The following ABCC5 variants were observed in gnomAD, a reference collection of about 807,000 sequenced individuals.
ABCC5 encodes the protein ATP-binding cassette sub-family C member 5.
ABCC5 carries 61 observed loss-of-function variants against 160.9 expected under a neutral mutation model. The ratio of observed to expected loss-of-function variants is 0.38; its 90% CI spans 0.31 to 0.47. The LOEUF is 0.47. Ranked by LOEUF, ABCC5 falls within the 20% of genes least tolerant of loss-of-function variation. The pLI is 0.99. For synonymous variants in ABCC5, 666 were observed against 700.6 expected (o/e 0.95, Z 0.78); for missense variants, 1,308 against 1,813.3 (o/e 0.72, Z 5.06).
chr3:183,930,562 C>G (rs1244522511), intron 26 of ABCC5, among the ~76,000 whole-genome samples: 2 of 152,294 alleles, frequency 1.3e-5, no homozygotes, highest in East Asian at 3.9e-4. Flanking sequence ...AGGGTGGGCC[C>G]TTAATCCCAT....
rs1715335081 is a variant in ABCC5 at position 183,951,448 on chromosome 3, C to T, written c.2937G>A (p.Met979Ile). ...GRILNRFSKD[M>I]DEVDVRLPFQ... ...AGGCTCAGTGAGAAATACCTTCATC[C>T]ATGTCTTTGGAAAACCTGTTGAGAA... The change falls in exon 20 of 30, where the codon ATG becomes ATA. Residue 979 changes from methionine (M) to isoleucine (I), a missense_variant. This residue lies in a region of ABCC5 where 1,142 missense variants were observed against 1,527.1 expected (regional missense o/e 0.75). Coordinates refer to ENST00000334444, the MANE Select transcript of ABCC5 (RefSeq NM_005688.4). This position sits in a 1 kb window ranked among gnomAD's most constrained non-coding sequence, Gnocchi z 4.7. 1.9e-6 allele frequency: 3 copies of T among 1,614,120 alleles called. No homozygotes were observed. The highest frequency in any genetic ancestry group is 2.5e-6 in the Non-Finnish European group (3 of 1,180,012).
intron 26 of ABCC5, among the ~76,000 whole-genome samples, chr3:183,936,710 G>A (rs907591579): frequency 6.6e-6 from 1 of 152,058 alleles, no homozygotes; most frequent in Non-Finnish European, 1.5e-5. Context: ...GGGTTTCACC[G>A]TGTTAGCCAG....
chr3:184,016,225 G>A (rs1049004431), intron 1 of ABCC5, among the ~76,000 whole-genome samples: 27 of 152,110 alleles, frequency 1.8e-4, no homozygotes, highest in African/African-American at 6.5e-4. Context: ...TGACTGCTGT[G>A]GTAGACACTG....
intron 2 of ABCC5, among the ~76,000 whole-genome samples, chr3:184,004,213 TA>T (rs11298066): frequency 0.63 from 88,664 of 141,204 alleles, 27,287 homozygotes; most frequent in East Asian, 0.85. Context: ...AGGCTTTAGC[TA>T]AAAAAAAAAA....
chr3:183,944,513 CAAT>C (rs1388631822), intron 24 of ABCC5, among the ~76,000 whole-genome samples: 1 of 152,148 alleles, frequency 6.6e-6, no homozygotes, highest in African/African-American at 2.4e-5. Context: ...CACATATAAA[CAAT>C]GACACAGATG....
At chr3:183,956,319 A>T (rs369496472) in intron 17 of ABCC5, among the ~76,000 whole-genome samples, 1,381 of 76,724 alleles carry the variant, frequency 0.018, no homozygotes, top group Middle Eastern at 0.15. Context: ...TCCGTGTGTA[A>T]ATCACATCGG....
intron 2 of ABCC5, among the ~76,000 whole-genome samples, chr3:184,008,062 C>T (rs1342293697): frequency 6.6e-6 from 1 of 152,192 alleles, no homozygotes; most frequent in African/African-American, 2.4e-5. Context: ...GAGAGAAGCA[C>T]TTTCTCCTTT....
intron 10 of ABCC5, among the ~76,000 whole-genome samples, chr3:183,976,254 C>A (rs545786994): frequency 1.5e-4 from 22 of 149,456 alleles, no homozygotes; most frequent in Middle Eastern, 3.4e-3. Flanking sequence ...CAAACAACAA[C>A]AAAAAAAAAC....
At chr3:183,950,504 A>G (rs577332960) in intron 20 of ABCC5, among the ~76,000 whole-genome samples, 3 of 152,344 alleles carry the variant, frequency 2.0e-5, no homozygotes, top group African/African-American at 7.2e-5. Context: ...GTCTTGCAAA[A>G]TTTTTAAACA....
At chr3:183,985,430 T>G in intron 5 of ABCC5, 1 of 1,491,796 alleles carries the variant, frequency 6.7e-7, no homozygotes. Context: ...TCCCCCCAAA[T>G]CCAGATCCTG....
At chr3:183,978,314 AT>A (rs11287890) in intron 9 of ABCC5, among the ~76,000 whole-genome samples, 188 bp downstream of exon 9, 92,272 of 150,956 alleles carry the variant, frequency 0.61, 28,739 homozygotes, top group East Asian at 0.85. Flanking sequence ...CATATGTGGT[AT>A]TTTTTTTTTG....
intron 26 of ABCC5, among the ~76,000 whole-genome samples, chr3:183,930,557 G>A (rs1339144824): frequency 6.6e-6 from 1 of 152,178 alleles, no homozygotes; most frequent in Admixed American, 6.5e-5. Context: ...AGAGAAGGGT[G>A]GGCCCTTAAT....
At chr3:183,958,949 G>A (rs1716479949) in intron 17 of ABCC5, among the ~76,000 whole-genome samples, 1 of 151,902 alleles carries the variant, frequency 6.6e-6, no homozygotes, top group Non-Finnish European at 1.5e-5. Context: ...CGTCTCCAAA[G>A]CAATGGCAAA....
At chr3:183,955,060 C>A (rs1219281751) in intron 17 of ABCC5, among the ~76,000 whole-genome samples, 1 of 151,946 alleles carries the variant, frequency 6.6e-6, no homozygotes, top group Admixed American at 6.6e-5. Context: ...GGTGTGGACG[C>A]CAAGGTTCTT....
Position 183,987,289 on chromosome 3 carries a change from C to T in ABCC5, c.591+481G>A. ...CTATAAGCCAAACTTAAACGGACTC[C>T]AGGTCAGACTCTAAAATCCTCGACA... On this transcript the variant is annotated intron_variant, in intron 5 of 29. Transcript: ENST00000334444. The surrounding 1 kb of genome is among the most constrained non-coding windows in gnomAD (Gnocchi z 4.2). The T allele has an allele frequency of 3.9e-6, 1 of 254,454 alleles. No individual in the cohort carries two copies. 15.8% of individuals were successfully genotyped at this position (254,454 alleles called of 1,614,324 possible). A position where few individuals can be genotyped will look rare whatever the true frequency, so the allele number is the denominator to read the frequency against.
intron 27 of ABCC5, 168 bp from the exon 28 acceptor site, chr3:183,927,611 C>T (rs767180709): frequency 9.1e-6 from 9 of 985,322 alleles, no homozygotes; most frequent in Non-Finnish European, 9.6e-6. Flanking sequence ...TGCTAGGACC[C>T]ACTTCCAAGG....
At position 183,951,755 on chromosome 3, in the gene ABCC5, G is replaced by T; in HGVS notation, c.2814+102C>A. On this transcript the variant is annotated intron_variant, in intron 19 of 29. Coordinates refer to ENST00000334444, the MANE Select transcript of ABCC5 (RefSeq NM_005688.4). The surrounding 1 kb of genome is among the most constrained non-coding windows in gnomAD (Gnocchi z 4.7). ...AGTCATCTCAGCCAGGGCCATCCTG[G>T]TTAAGGGAGCTCCCCTACTCAGCAT... 6.6e-7 allele frequency: 1 copy of T among 1,519,186 alleles called. No individual in the cohort carries two copies. The highest frequency in any genetic ancestry group is 1.4e-5 in the African/African-American group (1 of 73,334). The allele number at this position is 1,519,186 out of a possible 1,614,324, so 94.1% of individuals were successfully genotyped here.
chr3:183,923,975 C>CT (rs1295569517), intron 29 of ABCC5, among the ~76,000 whole-genome samples: 9 of 141,348 alleles, frequency 6.4e-5, no homozygotes, highest in South Asian at 2.3e-4. Context: ...CCTCCGCTTC[C>CT]TTTTTTTTTA....
Position 183,922,035 on chromosome 3 carries a change from T to TAATAAATAAATA in ABCC5, c.4213-646_4213-635dup, listed in dbSNP as rs146063907. Among the ~76,000 whole-genome samples the TAATAAATAAATA allele has an allele frequency of 4.0e-4, 59 of 146,220 alleles. No individual in the cohort carries two copies. The South Asian group carries it at 4.5e-3, about 11-fold the overall frequency. ...GACACAACGAGACTCTGCCTCAAAA[T>TAATAAATAAATA]AATAAATAAATAAATAAATAAATAA... On this transcript the variant is annotated intron_variant, in intron 29 of 29. Transcript: ENST00000334444.
Sources: gnomAD v4.1 joint callset for allele counts (sites outside exome capture counted in the v4.1 genomes callset) on GRCh38, gnomAD v4.1.1 for gene constraint, gnomAD v4.1.1 regional missense constraint, Gnocchi (gnomAD v3.1) non-coding constraint, MANE v1.5 for transcripts, NCBI Gene and HGNC (gene_info 2026-07-23, HGNC 2026-07-21) for gene names.